The following CAPZB variants were observed in gnomAD, a reference collection of about 807,000 sequenced individuals.
CAPZB encodes the protein capping actin protein of muscle Z-line subunit beta.
Under a neutral mutation model 38.1 loss-of-function variants are expected in CAPZB, and 2 were observed. The observed-to-expected ratio is 0.05, with a 90% CI of 0.02 to 0.17. CAPZB has a LOEUF of 0.17. CAPZB is among the 10% of genes least tolerant of loss of function. CAPZB has a pLI of 1.00. For synonymous variants in CAPZB, 107 were observed against 127.4 expected (o/e 0.84, Z 1.08); for missense variants, 161 against 334.2 (o/e 0.48, Z 4.04).
rs139432908 is a variant in CAPZB, at chr1:19,470,321, G to C, written c.3+15115C>G. Among the ~76,000 whole-genome samples the C allele has an allele frequency of 4.8e-3, 733 of 152,286 alleles. 3 individuals carry two copies. The highest frequency in any genetic ancestry group is 0.016 in the African/African-American group (654 of 41,558). On this transcript the variant is annotated intron_variant, in intron 1 of 8. Transcript: ENST00000264202. ...CCAGTGTCTTGTTACGATGATTCCT[G>C]TCCCTATGTACCCCATAAACATGAG...
At chr1:19,479,355 G>A (rs2094619357) in intron 1 of CAPZB, among the ~76,000 whole-genome samples, 1 of 152,210 alleles carries the variant, frequency 6.6e-6, no homozygotes, top group South Asian at 2.1e-4. Context: ...GGTGCCACCT[G>A]CAGTCACAGA....
intron 1 of CAPZB, chr1:19,448,685 A>T (rs2094504281): frequency 1.2e-5 from 13 of 1,049,210 alleles, no homozygotes; most frequent in Non-Finnish European, 1.8e-5. Flanking sequence ...CACCTAGCCA[A>T]CACATTTCCT....
At chr1:19,460,574 CTT>C (rs35288971) in intron 1 of CAPZB, among the ~76,000 whole-genome samples, 22,830 of 89,496 alleles carry the variant, frequency 0.26, 663 homozygotes, top group South Asian at 0.3. Context: ...TGTGCCCAGG[CTT>C]TTTTTTTTTT....
chr1:19,458,431 G>A (rs1359586050), intron 1 of CAPZB, among the ~76,000 whole-genome samples: 2 of 152,192 alleles, frequency 1.3e-5, no homozygotes, highest in African/African-American at 4.8e-5. Context: ...TCAGCTCACT[G>A]CAACCCTCCA....
intron 4 of CAPZB, among the ~76,000 whole-genome samples, chr1:19,368,091 CTT>C (rs202057029): frequency 6.6e-6 from 1 of 152,000 alleles, no homozygotes; most frequent in African/African-American, 2.4e-5. Context: ...CTTTGCATAT[CTT>C]TTTTTTACAG....
chr1:19,450,144 C>CAAAAAAAAAA (rs71008167), intron 1 of CAPZB, among the ~76,000 whole-genome samples: 29 of 35,366 alleles, frequency 8.2e-4, no homozygotes, highest in Non-Finnish European at 9.4e-4. Flanking sequence ...ACCCTGTCTC[C>CAAAAAAAAAA]AAAAAAAAAA....
At position 19,349,379 on chromosome 1, in the gene CAPZB, T is replaced by TCC. The variant is rs1162788742; in HGVS notation, c.589-4129_589-4128dup. Among the ~76,000 whole-genome samples the TCC allele has an allele frequency of 5.8e-3, 882 of 152,024 alleles. 8 individuals carry two copies. The highest frequency in any genetic ancestry group is 0.02 in the African/African-American group (828 of 41,454). On this transcript the variant is annotated intron_variant, in intron 6 of 8. Transcript: ENST00000264202. ...GGTCCTTCCAGCAAATCAGAGTCTC[T>TCC]CCTCCTCCCCGGCTCCATGTGGACG...
At chr1:19,474,841 C>T (rs1320168328) in intron 1 of CAPZB, among the ~76,000 whole-genome samples, 2 of 152,208 alleles carry the variant, frequency 1.3e-5, no homozygotes, top group Non-Finnish European at 2.9e-5. Flanking sequence ...GGGCCACTTA[C>T]ACCCAGAGAA....
intron 3 of CAPZB, among the ~76,000 whole-genome samples, chr1:19,380,808 G>T (rs10917434): frequency 6.6e-6 from 1 of 151,918 alleles, no homozygotes; most frequent in African/African-American, 2.4e-5. Flanking sequence ...TCTTCTCTTC[G>T]GGTTGCTCAG....
At position 19,458,624 on chromosome 1, in the gene CAPZB, G is replaced by C. The variant is rs139985814; in HGVS notation, c.3+26812C>G. ...GCTCGCCTCAGCCTCCCAAAGTGCT[G>C]GGATTACAGGCGTGAGCCACCATGC... is the stretch of plus-strand genomic sequence containing the variant. On this transcript the variant is annotated intron_variant, in intron 1 of 8. Coordinates refer to ENST00000264202, the MANE Select transcript of CAPZB (RefSeq NM_004930.5). 1.1e-4 allele frequency among the ~76,000 whole-genome samples: 16 copies of C among 152,370 alleles called. No homozygotes were observed. In the East Asian group the frequency reaches 2.9e-3, roughly 28 times the overall value.
At chr1:19,477,545 C>T (rs953307202) in intron 1 of CAPZB, among the ~76,000 whole-genome samples, 1 of 152,196 alleles carries the variant, frequency 6.6e-6, no homozygotes, top group Non-Finnish European at 1.5e-5. Flanking sequence ...AAAACTGCAA[C>T]GCAGGGAGCC....
In CAPZB at chr1:19,345,167, C is replaced by T. The variant is rs1380919333; in HGVS notation, c.654+20G>A. ...TGCTGTGGGTCACTGCAGGAGCCAG[C>T]CAGAGCCCAGGTCACTCACCTCTAC... On this transcript the variant is annotated intron_variant, in intron 7 of 8. Coordinates refer to ENST00000264202, the MANE Select transcript of CAPZB (RefSeq NM_004930.5). The T allele has an allele frequency of 6.2e-7, 1 of 1,607,906 alleles. No homozygotes were observed. Among genetic ancestry groups the T allele is most frequent in the Non-Finnish European group, 8.5e-7 (1 of 1,174,618 alleles).
At chr1:19,359,210 C>CT (rs57251931) in intron 4 of CAPZB, among the ~76,000 whole-genome samples, 4,976 of 114,274 alleles carry the variant, frequency 0.044, 381 homozygotes, top group African/African-American at 0.15. Context: ...TCTCTGTACT[C>CT]TTTTTTTTTT....
At position 19,485,478 on chromosome 1, in the gene CAPZB, G is replaced by C; in HGVS notation, c.-40C>G. 8.1e-7 allele frequency: 1 copy of C among 1,229,508 alleles called. No individual in the cohort carries two copies. 76.2% of individuals were successfully genotyped at this position (1,229,508 alleles called of 1,614,324 possible). A position where few individuals can be genotyped will look rare whatever the true frequency, so the allele number is the denominator to read the frequency against. ...CGGCGGTCCCGGTCCCGGCGTCAGT[G>C]GCTCTCCCCCCCGCAGCAGGGCCCG... On this transcript the variant is annotated 5_prime_UTR_variant, in exon 1 of 9. Transcript: ENST00000264202.
intron 1 of CAPZB, among the ~76,000 whole-genome samples, chr1:19,471,739 C>A (rs954301750): frequency 6.6e-6 from 1 of 151,904 alleles, no homozygotes; most frequent in African/African-American, 2.4e-5. Flanking sequence ...TGGTGGCGGG[C>A]GCCTGTAGTC....
intron 1 of CAPZB, among the ~76,000 whole-genome samples, chr1:19,480,528 G>C (rs970454762): frequency 2.6e-5 from 4 of 152,190 alleles, no homozygotes; most frequent in African/African-American, 9.7e-5. Context: ...GTGCCAGGCG[G>C]CCAGTGCAAG....
At chr1:19,342,706 A>T in intron 8 of CAPZB, 3 of 1,216,060 alleles carry the variant, frequency 2.5e-6, no homozygotes, top group South Asian at 2.4e-5. Context: ...CGGGTTGGTG[A>T]GTCCTGTTTT....
At chr1:19,412,324 GGA>G (rs1275786340) in intron 2 of CAPZB, among the ~76,000 whole-genome samples, 1 of 152,192 alleles carries the variant, frequency 6.6e-6, no homozygotes, top group African/African-American at 2.4e-5. Flanking sequence ...AGGATGGGTA[GGA>G]GAGAGGAAGC....
At chr1:19,392,350 C>T (rs1301026717) in intron 2 of CAPZB, among the ~76,000 whole-genome samples, 1 of 151,846 alleles carries the variant, frequency 6.6e-6, no homozygotes, top group Non-Finnish European at 1.5e-5. Context: ...ATAACAGGGG[C>T]ATCCCAAGAA....
Sources: gnomAD v4.1 joint callset for allele counts (sites outside exome capture counted in the v4.1 genomes callset) on GRCh38, gnomAD v4.1.1 for gene constraint, MANE v1.5 for transcripts, NCBI Gene and HGNC (gene_info 2026-07-23, HGNC 2026-07-21) for gene names.